The following DSE variants were observed in gnomAD, a reference collection of about 807,000 sequenced individuals.
The protein encoded by DSE is dermatan sulfate epimerase, also known as dermatan-sulfate epimerase.
Under a neutral mutation model 84.4 loss-of-function variants are expected in DSE, and 36 were observed. That is an observed-to-expected ratio of 0.43 (90% CI 0.33 to 0.56). The LOEUF is 0.56. DSE is among the 20% of genes least tolerant of loss of function. The pLI, the probability that DSE is intolerant of heterozygous loss-of-function variation, is 0.06. For missense variants in DSE, 862 were observed against 1,169.6 expected (o/e 0.74, Z 3.84); for synonymous variants, 410 against 430.1 (o/e 0.95, Z 0.58).
chr6:116,258,414 C>T (rs1196429356), intron 1 of DSE: 2 of 709,426 alleles, frequency 2.8e-6, no homozygotes, highest in African/African-American at 1.8e-5. Flanking sequence ...ATTATAATAA[C>T]TTAGTTGTAA....
intron 2 of DSE, among the ~76,000 whole-genome samples, chr6:116,301,599 A>T (rs1775044939): frequency 6.6e-6 from 1 of 151,964 alleles, no homozygotes; most frequent in East Asian, 1.9e-4. Flanking sequence ...CCTTACTTAA[A>T]CCGCCTCAAT....
At chr6:116,287,076 C>G (rs1020038525) in intron 2 of DSE, among the ~76,000 whole-genome samples, 1 of 152,080 alleles carries the variant, frequency 6.6e-6, no homozygotes, top group African/African-American at 2.4e-5. Flanking sequence ...TGCCTTAAAA[C>G]TTTCCATTAA....
At chr6:116,379,946 T>A (rs949279145) in intron 1 of DSE, among the ~76,000 whole-genome samples, 2 of 152,128 alleles carry the variant, frequency 1.3e-5, no homozygotes, top group Admixed American at 1.3e-4. Flanking sequence ...ACCCTGCACA[T>A]AAGGAAGTGG....
intron 1 of DSE, among the ~76,000 whole-genome samples, chr6:116,384,854 A>C (rs1177322404): frequency 6.6e-6 from 1 of 152,206 alleles, no homozygotes; most frequent in African/African-American, 2.4e-5. Flanking sequence ...AGCCAAGCAC[A>C]CAAAATAAAT....
intron 2 of DSE, chr6:116,277,033 T>C (rs1300047553): frequency 6.6e-6 from 1 of 152,228 alleles, no homozygotes; most frequent in Non-Finnish European, 1.5e-5. Flanking sequence ...TTATGACTAT[T>C]CATATGTCTC....
At chr6:116,417,866 G>C (rs116912172) in intron 2 of DSE, among the ~76,000 whole-genome samples, 2 of 152,132 alleles carry the variant, frequency 1.3e-5, no homozygotes, top group African/African-American at 4.8e-5. Context: ...AGTGTCAAAG[G>C]TAAACAATAC....
intron 2 of DSE, chr6:116,279,922 A>G: frequency 1.3e-6 from 2 of 1,560,522 alleles, no homozygotes; most frequent in South Asian, 1.1e-5. Context: ...CCCACCCTAC[A>G]GTCTCACTAA....
intron 1 of DSE, among the ~76,000 whole-genome samples, chr6:116,376,443 G>A (rs1211645906): frequency 6.6e-6 from 1 of 152,228 alleles, no homozygotes; most frequent in African/African-American, 2.4e-5. Context: ...CAGAGAGCCT[G>A]TTAGAGATCA....
At chr6:116,384,248 G>A (rs1472129141) in intron 1 of DSE, among the ~76,000 whole-genome samples, 1 of 152,178 alleles carries the variant, frequency 6.6e-6, no homozygotes, top group Non-Finnish European at 1.5e-5. Context: ...ACTAGGGAGA[G>A]TGTGAGGTGC....
chr6:116,363,477 C>A (rs1341464431), intron 2 of DSE, among the ~76,000 whole-genome samples: 1 of 152,076 alleles, frequency 6.6e-6, no homozygotes, highest in Non-Finnish European at 1.5e-5. Context: ...TATCAAGTAT[C>A]AGCCTTCTTG....
intron 2 of DSE, among the ~76,000 whole-genome samples, chr6:116,358,768 G>T (rs1361077709): frequency 6.6e-6 from 1 of 152,150 alleles, no homozygotes; most frequent in Non-Finnish European, 1.5e-5. Flanking sequence ...AATGCCACAA[G>T]GTGTTTGAAT....
At chr6:116,430,076 G>A (rs1266389709) in intron 3 of DSE, among the ~76,000 whole-genome samples, 1 of 152,168 alleles carries the variant, frequency 6.6e-6, no homozygotes, top group Non-Finnish European at 1.5e-5. Context: ...TTTTCAGTGG[G>A]GAGATTAAAA....
intron 2 of DSE, among the ~76,000 whole-genome samples, chr6:116,292,405 A>G (rs945846468): frequency 6.6e-6 from 1 of 152,202 alleles, no homozygotes; most frequent in African/African-American, 2.4e-5. Context: ...GGCGGCAGCT[A>G]TACAGCATGG....
Position 116,280,060 on chromosome 6 carries a change from C to A in DSE, c.-54+21093C>A, listed in dbSNP as rs189534593. 331 of 633,586 alleles carry A rather than the reference C, an allele frequency of 5.2e-4. 3 individuals are homozygous for A. In the East Asian group the frequency reaches 8.6e-3, roughly 16 times the overall value. The allele number at this position is 633,586 out of a possible 1,614,324, so 39.2% of individuals were successfully genotyped here. A position where few individuals can be genotyped will look rare whatever the true frequency, so the allele number is the denominator to read the frequency against. ...TCTGGGCTTTATTTCTGTGAATTTA[C>A]CCATAGCAACAGTAATTTTACCTAC... On this transcript the variant is annotated intron_variant, in intron 2 of 3. Transcript: ENST00000430252.
chr6:116,258,862 T>C (rs1383085557), exon 2 of DSE: 2 of 1,607,296 alleles, frequency 1.2e-6, no homozygotes, highest in Non-Finnish European at 8.5e-7. Context: ...CATGAGCTTC[T>C]TGCCGTTGTT....
At chr6:116,346,463 A>G (rs1270543304) in intron 2 of DSE, among the ~76,000 whole-genome samples, 3 of 152,264 alleles carry the variant, frequency 2.0e-5, no homozygotes, top group Non-Finnish European at 4.4e-5. Flanking sequence ...GGCTGGTTCA[A>G]CATACACAAA....
intron 2 of DSE, among the ~76,000 whole-genome samples, chr6:116,415,303 T>G (rs1343769549): frequency 7.0e-6 from 1 of 143,186 alleles, no homozygotes; most frequent in East Asian, 1.9e-4. Flanking sequence ...GCTGTTGAGA[T>G]GTCTGACCCC....
intron 1 of DSE, among the ~76,000 whole-genome samples, chr6:116,390,484 A>T (rs1562275339): frequency 6.6e-6 from 1 of 152,252 alleles, no homozygotes; most frequent in African/African-American, 2.4e-5. Flanking sequence ...ATCACAATGC[A>T]CTGCAAAGCA....
At chr6:116,382,209 G>A (rs1780279452) in intron 1 of DSE, among the ~76,000 whole-genome samples, 3 of 152,100 alleles carry the variant, frequency 2.0e-5, no homozygotes, top group Admixed American at 6.5e-5. Context: ...AGGTTTGGGG[G>A]TTAGGACTTC....
Sources: allele counts gnomAD v4.1 joint callset (sites outside exome capture counted in the v4.1 genomes callset), GRCh38; gene constraint gnomAD v4.1.1; transcripts MANE v1.5; gene names NCBI Gene and HGNC (gene_info 2026-07-23, HGNC 2026-07-21).